The following ARHGAP6 variants were observed in gnomAD, a reference collection of about 807,000 sequenced individuals.
ARHGAP6 encodes Rho GTPase activating protein 6.
ARHGAP6 carries 16 observed loss-of-function variants against 55.7 expected under a neutral mutation model. The ratio of observed to expected loss-of-function variants is 0.29; its 90% CI spans 0.19 to 0.44. The LOEUF is 0.44. Ranked by LOEUF, ARHGAP6 falls within the 20% of genes least tolerant of loss-of-function variation. ARHGAP6 has a pLI of 1.00. For missense variants in ARHGAP6, 698 were observed against 808.9 expected (o/e 0.86, Z 1.66); for synonymous variants, 382 against 360.9 (o/e 1.06, Z -0.66).
intron 1 of ARHGAP6, among the ~76,000 whole-genome samples, chrX:11,269,062 G>C (rs746287637): frequency 9.0e-6 from 1 of 111,707 alleles, no homozygotes; most frequent in South Asian, 3.7e-4. Flanking sequence ...TCATTGCTTG[G>C]AGCACAGCTG....
At chrX:11,526,460 G>C (rs1253272046) in intron 1 of ARHGAP6, among the ~76,000 whole-genome samples, 1 of 109,370 alleles carries the variant, frequency 9.1e-6, no homozygotes, top group Non-Finnish European at 1.9e-5. Flanking sequence ...AGAAGCACCT[G>C]CTGTGGCTGA....
At chrX:11,360,610 C>T (rs2048997269) in intron 1 of ARHGAP6, among the ~76,000 whole-genome samples, 1 of 107,835 alleles carries the variant, frequency 9.3e-6, no homozygotes, top group Non-Finnish European at 1.9e-5. Flanking sequence ...ACAGGGATGC[C>T]CTCTCTCACC....
chrX:11,537,193 G>A (rs1280665350), intron 1 of ARHGAP6, among the ~76,000 whole-genome samples: 3 of 112,302 alleles, frequency 2.7e-5, no homozygotes, highest in Non-Finnish European at 5.6e-5. Context: ...AATCAGAAAC[G>A]TCCTGTCGCG....
chrX:11,221,799 C>G (rs1404173257), intron 2 of ARHGAP6, among the ~76,000 whole-genome samples: 1 of 111,085 alleles, frequency 9.0e-6, no homozygotes, highest in Non-Finnish European at 1.9e-5. Flanking sequence ...TATACAGATA[C>G]TTTTGTTATT....
intron 1 of ARHGAP6, among the ~76,000 whole-genome samples, chrX:11,610,907 T>C (rs1009575625): frequency 1.8e-5 from 2 of 112,557 alleles, no homozygotes; most frequent in African/African-American, 6.5e-5. Flanking sequence ...GCATTTCATA[T>C]AAATGGGACC....
rs534949829 is a variant in ARHGAP6, at chrX:11,230,432, G to A, written c.748+24116C>T. Among the ~76,000 whole-genome samples the A allele has an allele frequency of 1.6e-4, 18 of 111,294 alleles. No individual in the cohort carries two copies. In the South Asian group the frequency reaches 4.9e-3, roughly 30 times the overall value. On this transcript the variant is annotated intron_variant, in intron 2 of 12. Coordinates refer to ENST00000337414, the MANE Select transcript of ARHGAP6 (RefSeq NM_013427.3). ...AGGATGGTCTCAATCTCTTGACCTC[G>A]TGATCTGCCTGCCTTGGCGTCCCAA...
At chrX:11,328,828 T>C (rs1171359671) in intron 1 of ARHGAP6, among the ~76,000 whole-genome samples, 1 of 112,235 alleles carries the variant, frequency 8.9e-6, no homozygotes, top group Non-Finnish European at 1.9e-5. Context: ...AAAGGGCACC[T>C]GAAGCCTTGA....
intron 1 of ARHGAP6, among the ~76,000 whole-genome samples, chrX:11,518,630 CTT>C (rs777727429): frequency 2.0e-5 from 2 of 97,966 alleles, no homozygotes; most frequent in African/African-American, 7.4e-5. Flanking sequence ...CAACAGTGCA[CTT>C]TTTTTTTTTT....
intron 1 of ARHGAP6, among the ~76,000 whole-genome samples, chrX:11,389,940 A>C (rs2049382161): frequency 8.9e-6 from 1 of 112,150 alleles, no homozygotes. Context: ...AATGGGAACT[A>C]GAAGTCTATT....
intron 1 of ARHGAP6, among the ~76,000 whole-genome samples, chrX:11,504,851 C>T (rs1040101112): frequency 8.9e-6 from 1 of 112,397 alleles, no homozygotes; most frequent in Non-Finnish European, 1.9e-5. Context: ...ATTTCAATGT[C>T]ACATTGGAGA....
chrX:11,173,929 G>A (rs904868987), intron 8 of ARHGAP6, among the ~76,000 whole-genome samples: 2 of 111,377 alleles, frequency 1.8e-5, no homozygotes, highest in Non-Finnish European at 3.8e-5. Flanking sequence ...TTGACAATCT[G>A]CTTCAGGTTT....
chrX:11,227,175 CACAA>C (rs56064818), intron 2 of ARHGAP6, among the ~76,000 whole-genome samples: 2,031 of 111,884 alleles, frequency 0.018, 19 homozygotes, highest in Non-Finnish European at 0.03. Flanking sequence ...ATGATCTGTA[CACAA>C]ACAGTTATTT....
At chrX:11,487,708 A>G (rs900350143) in intron 1 of ARHGAP6, among the ~76,000 whole-genome samples, 2 of 111,873 alleles carry the variant, frequency 1.8e-5, no homozygotes, top group Admixed American at 1.9e-4. Flanking sequence ...GGACCCTTTG[A>G]GCATCAAAAT....
At position 11,400,516 on chromosome X, in the gene ARHGAP6, C is replaced by G. The variant is rs747919676; in HGVS notation, c.589-145809G>C. Among the ~76,000 whole-genome samples the G allele has an allele frequency of 2.4e-4, 26 of 107,335 alleles. No homozygotes were observed. The East Asian group carries it at 2.9e-3, about 12-fold the overall frequency. The allele number at this position is 107,335 out of a possible 115,157, so 93.2% of individuals were successfully genotyped here. On this transcript the variant is annotated intron_variant, in intron 1 of 12. Transcript: ENST00000337414. ...CGTGCCCCCCCGCACCCCGTCCCCCCCTGGCTAAAAGCACTGTCGTTTACC... is the reference window on the plus strand; with the variant it reads ...CGTGCCCCCCCGCACCCCGTCCCCCGCTGGCTAAAAGCACTGTCGTTTACC...
chrX:11,530,891 T>A (rs1385477432), intron 1 of ARHGAP6, among the ~76,000 whole-genome samples: 1 of 111,635 alleles, frequency 9.0e-6, no homozygotes, highest in Non-Finnish European at 1.9e-5. Context: ...AGGGTGCTCC[T>A]ACCAAGCCTT....
At chrX:11,415,731 C>A (rs947820753) in intron 1 of ARHGAP6, among the ~76,000 whole-genome samples, 5 of 111,879 alleles carry the variant, frequency 4.5e-5, no homozygotes, top group African/African-American at 1.6e-4. Context: ...CAGTTGATCC[C>A]ACTTGCCATC....
At chrX:11,336,375 A>C (rs1157645112) in intron 1 of ARHGAP6, among the ~76,000 whole-genome samples, 1 of 111,266 alleles carries the variant, frequency 9.0e-6, no homozygotes, top group East Asian at 2.8e-4. Flanking sequence ...TGGAGCAGCT[A>C]TTTTAGGACT....
chrX:11,449,809 A>G (rs992072008), intron 1 of ARHGAP6, among the ~76,000 whole-genome samples: 1 of 112,019 alleles, frequency 8.9e-6, no homozygotes, highest in Non-Finnish European at 1.9e-5. Context: ...GACTGGCATC[A>G]GTGATCATAG....
At chrX:11,653,587 C>A (rs928040817) in intron 1 of ARHGAP6, among the ~76,000 whole-genome samples, 1 of 112,322 alleles carries the variant, frequency 8.9e-6, no homozygotes, top group South Asian at 3.7e-4. Context: ...TAGCCTTGCA[C>A]TCCTATGCAT....
Sources: gnomAD v4.1 joint callset for allele counts (sites outside exome capture counted in the v4.1 genomes callset) on GRCh38, gnomAD v4.1.1 for gene constraint, MANE v1.5 for transcripts, NCBI Gene and HGNC (gene_info 2026-07-23, HGNC 2026-07-21) for gene names.